Variants in E2F2 observed in about 807,000 individuals in gnomAD.
The protein encoded by E2F2 is transcription factor E2F2.
A neutral mutation model predicts 42.2 loss-of-function variants in E2F2; 22 were observed. The ratio of observed to expected loss-of-function variants is 0.52; its 90% CI spans 0.37 to 0.74. The LOEUF (loss-of-function observed/expected upper bound fraction) is 0.74, where lower values mean the gene tolerates loss of function less well. Ranked by LOEUF, E2F2 falls within the 30% of genes least tolerant of loss-of-function variation. E2F2 has a pLI of 0.00. For synonymous variants in E2F2, 248 were observed against 251.6 expected (o/e 0.99, Z 0.13); for missense variants, 481 against 557.8 (o/e 0.86, Z 1.39).
chr1:23,515,594 C>T (rs1183819578), intron 6 of E2F2, among the ~76,000 whole-genome samples: 3 of 152,192 alleles, frequency 2.0e-5, no homozygotes, highest in African/African-American at 7.2e-5. Flanking sequence ...TTATGTTGCC[C>T]AGGCTGGTCT....
intron 6 of E2F2, among the ~76,000 whole-genome samples, chr1:23,513,492 G>A (rs1642951825): frequency 6.6e-6 from 1 of 151,694 alleles, no homozygotes; most frequent in Admixed American, 6.6e-5. Flanking sequence ...GACTGTAGTG[G>A]CTTCCTCTCT....
chr1:23,521,477 C>G (rs866144717), intron 3 of E2F2: 2 of 911,562 alleles, frequency 2.2e-6, no homozygotes, highest in Admixed American at 6.2e-5. Context: ...GATCCCCCTA[C>G]TTAGCTCCCA....
rs1642835036 is a variant in E2F2 at position 23,508,012 on chromosome 1, C to T, written c.*1868G>A. The T allele has an allele frequency of 6.6e-6, 1 of 152,266 alleles. No homozygotes were observed. Among genetic ancestry groups the T allele is most frequent in the Admixed American group, 6.5e-5 (1 of 15,268 alleles). The allele number at this position is 152,266 out of a possible 1,614,324, so 9.4% of individuals were successfully genotyped here. On this transcript the variant is annotated 3_prime_UTR_variant, in exon 7 of 7. Transcript: ENST00000361729. ...CACAAACGAGATCCTACACAGGGTC[C>T]CTGAGCATGCTGGACTTTAAGACGG...
rs758099081 is a variant in E2F2 at position 23,530,962 on chromosome 1, G to A, written c.-169C>T. 6.4e-4 allele frequency: 489 copies of A among 763,112 alleles called. 3 individuals carry two copies. Among genetic ancestry groups the A allele is most frequent in the Non-Finnish European group, 3.1e-4 (161 of 523,616 alleles). 47.3% of individuals were successfully genotyped at this position (763,112 alleles called of 1,614,324 possible). Reference sequence around the variant, plus strand: ...GACCCTCCCCTCCTGGCCCGCGGCCGAGCAGAGAGCAGCGCTTAGAGATCG... The same window carrying A: ...GACCCTCCCCTCCTGGCCCGCGGCCAAGCAGAGAGCAGCGCTTAGAGATCG... On this transcript the variant is annotated 5_prime_UTR_variant, in exon 1 of 7. Transcript: ENST00000361729. The surrounding 1 kb of genome is among the most constrained non-coding windows in gnomAD (Gnocchi z 4.4).
intron 5 of E2F2, 91 bp from the exon 6 acceptor site, chr1:23,516,618 C>T (rs2075994): frequency 0.063 from 68,348 of 1,083,194 alleles, 4,616 homozygotes; most frequent in South Asian, 0.27. Context: ...CTGCTGCCAT[C>T]CATGGGTGCA....
At position 23,522,071 on chromosome 1, in the gene E2F2, G is replaced by A; in HGVS notation, c.359-15C>T. 6.2e-7 allele frequency: 1 copy of A among 1,612,794 alleles called. No individual in the cohort carries two copies. The highest frequency in any genetic ancestry group is 8.5e-7 in the Non-Finnish European group (1 of 1,179,512). ...GGATTTGGGGGCTGAAGAAGAAAGG[G>A]ACCCAGTCACAGCTCAGGGAGGGGA... is the stretch of plus-strand genomic sequence containing the variant. On this transcript the variant is annotated splice_polypyrimidine_tract_variant and intron_variant, in intron 2 of 6. Transcript: ENST00000361729.
intron 3 of E2F2, 81 bp downstream of exon 3, chr1:23,521,756 A>T: frequency 6.4e-7 from 1 of 1,571,664 alleles, no homozygotes; most frequent in Non-Finnish European, 8.6e-7. Flanking sequence ...CCTGCCACTC[A>T]CACCCACTGG....
chr1:23,518,353 C>G (rs1204459308), intron 5 of E2F2, among the ~76,000 whole-genome samples: 2 of 151,810 alleles, frequency 1.3e-5, no homozygotes, highest in African/African-American at 4.8e-5. Context: ...CATCTGTAAT[C>G]TCAGCTACTT....
At chr1:23,516,595 C>T (rs778701961) in intron 5 of E2F2, 68 bp from the exon 6 acceptor site, 7 of 1,325,776 alleles carry the variant, frequency 5.3e-6, no homozygotes, top group Admixed American at 2.7e-5. Context: ...TGTGTATGGA[C>T]AGACGCACGT....
intron 5 of E2F2, 22 bp from the exon 6 acceptor site, chr1:23,516,549 G>C (rs1173061831): frequency 2.6e-5 from 41 of 1,584,752 alleles, no homozygotes; most frequent in Non-Finnish European, 2.8e-5. Flanking sequence ...AGAGAAGCCA[G>C]GTCATTGCTC....
intron 5 of E2F2, among the ~76,000 whole-genome samples, chr1:23,517,655 T>G (rs996042341): frequency 1.8e-4 from 28 of 152,284 alleles, no homozygotes; most frequent in African/African-American, 6.3e-4. Context: ...TACACCCTAA[T>G]AGATGAAGCA....
intron 5 of E2F2, 85 bp downstream of exon 5, chr1:23,518,931 G>T: frequency 1.9e-6 from 2 of 1,064,400 alleles, no homozygotes; most frequent in Non-Finnish European, 2.8e-6. Flanking sequence ...GCTAGGCAGT[G>T]CCAGGGACAG....
Position 23,518,186 on chromosome 1 carries a change from G to C in E2F2, c.852+830C>G, listed in dbSNP as rs552752357. Among the ~76,000 whole-genome samples the C allele has an allele frequency of 2.0e-5, 3 of 150,832 alleles. No homozygotes were observed. In the East Asian group the frequency reaches 5.9e-4, roughly 30 times the overall value. On this transcript the variant is annotated intron_variant, in intron 5 of 6. Coordinates refer to ENST00000361729, the MANE Select transcript of E2F2 (RefSeq NM_004091.4). ...ACGCTGTCTTAAAAAAAATCAAATA[G>C]GTTGAGTGTGGTGGCTCATGCCTGT...
chr1:23,527,359 T>C (rs1303733081), intron 1 of E2F2, among the ~76,000 whole-genome samples: 2 of 152,220 alleles, frequency 1.3e-5, no homozygotes, highest in Non-Finnish European at 2.9e-5. Context: ...GCAAAGGCTA[T>C]GGCCACAGCC....
intron 6 of E2F2, among the ~76,000 whole-genome samples, chr1:23,513,637 G>GCA (rs1417414046): frequency 1.3e-5 from 2 of 150,790 alleles, no homozygotes; most frequent in East Asian, 3.9e-4. Flanking sequence ...CCTTGAACCT[G>GCA]GGAGGCGGAG....
intron 6 of E2F2, among the ~76,000 whole-genome samples, chr1:23,513,751 A>AG (rs1279287233): frequency 6.6e-6 from 1 of 151,924 alleles, no homozygotes; most frequent in East Asian, 1.9e-4. Flanking sequence ...ATGACATGAG[A>AG]GCTGGCCCCA....
In E2F2 at chr1:23,530,815, C is replaced by T. The variant is rs756995668; in HGVS notation, c.-22G>A. ...GCATAGCGAGTAAGGCGCCCCCTAC[C>T]CAAAAGGGCTTGGCGCGCCCGCGGA... On this transcript the variant is annotated 5_prime_UTR_variant, in exon 1 of 7. Transcript: ENST00000361729. This position sits in a 1 kb window ranked among gnomAD's most constrained non-coding sequence, Gnocchi z 4.4. 6.8e-6 allele frequency: 10 copies of T among 1,475,532 alleles called. No individual in the cohort carries two copies. The South Asian group carries it at 1.2e-4, about 18-fold the overall frequency. The allele number at this position is 1,475,532 out of a possible 1,614,324, so 91.4% of individuals were successfully genotyped here.
At chr1:23,523,267 C>T (rs1643186878) in intron 2 of E2F2, among the ~76,000 whole-genome samples, 1 of 151,984 alleles carries the variant, frequency 6.6e-6, no homozygotes, top group South Asian at 2.1e-4. Flanking sequence ...AGTGATTCTC[C>T]TGCCTTGGCC....
In E2F2 at chr1:23,510,070, A is replaced by G; in HGVS notation, c.1124T>C (p.Leu375Pro). The G allele has an allele frequency of 6.2e-7, 1 of 1,610,058 alleles. No individual in the cohort carries two copies. The highest frequency in any genetic ancestry group is 8.5e-7 in the Non-Finnish European group (1 of 1,178,818). ...LVPLEATDSL[L>P]ELPHPLLQQT... ...CTGCAGGAGTGGGTGCGGCAGCTCC[A>G]GCAGGCTGTCAGTAGCCTCCAAGGG... Residue 375 changes from leucine to proline, a missense_variant, in exon 7 of 7, where the codon CTG (leucine) becomes CCG (proline). Leu to Pro is a moderately conservative substitution (Grantham distance 98). Coordinates refer to ENST00000361729, the MANE Select transcript of E2F2 (RefSeq NM_004091.4).
Sources: allele counts gnomAD v4.1 joint callset (sites outside exome capture counted in the v4.1 genomes callset), GRCh38; gene constraint gnomAD v4.1.1; non-coding constraint Gnocchi (gnomAD v3.1); transcripts MANE v1.5; gene names NCBI Gene and HGNC (gene_info 2026-07-23, HGNC 2026-07-21).